Variants in RBFOX1 observed in about 807,000 individuals in gnomAD.
The protein encoded by RBFOX1 is RNA binding protein fox-1 homolog 1.
In RBFOX1, 8 loss-of-function variants were observed where a neutral mutation model predicts 57.7. The observed-to-expected ratio is 0.14, with a 90% CI of 0.08 to 0.25. The LOEUF (loss-of-function observed/expected upper bound fraction) is 0.25, where lower values mean the gene tolerates loss of function less well. Among genes scored for constraint, RBFOX1 ranks in the 10% least tolerant of loss-of-function variants. The pLI is 1.00. For synonymous variants in RBFOX1, 326 were observed against 222.4 expected (o/e 1.47, Z -4.15); for missense variants, 611 against 548.5 (o/e 1.11, Z -1.14).
chr16:7,625,599 T>C (rs2059961324), intron 10 of RBFOX1, among the ~76,000 whole-genome samples: 1 of 152,180 alleles, frequency 6.6e-6, no homozygotes, highest in South Asian at 2.1e-4. Flanking sequence ...ATTTTAATCT[T>C]CGAGCTCTTG....
chr16:7,265,247 G>C (rs2095082833), intron 4 of RBFOX1, among the ~76,000 whole-genome samples: 1 of 151,966 alleles, frequency 6.6e-6, no homozygotes, highest in Non-Finnish European at 1.5e-5. Flanking sequence ...GATACTGGAA[G>C]TGAGATCAGG....
chr16:5,549,445 G>A (rs936931483), intron 2 of RBFOX1, among the ~76,000 whole-genome samples: 3 of 152,194 alleles, frequency 2.0e-5, no homozygotes, highest in African/African-American at 7.2e-5. Context: ...TATATTTATT[G>A]GCTTTGAATA....
At chr16:6,219,545 G>A (rs192801920) in intron 1 of RBFOX1, among the ~76,000 whole-genome samples, 150 of 152,140 alleles carry the variant, frequency 9.9e-4, no homozygotes, top group Non-Finnish European at 1.9e-3. Flanking sequence ...GAGTGAACTC[G>A]GGCAATTCAC....
At chr16:7,268,170 T>A (rs1164501967) in intron 4 of RBFOX1, among the ~76,000 whole-genome samples, 1 of 152,204 alleles carries the variant, frequency 6.6e-6, no homozygotes, top group African/African-American at 2.4e-5. Context: ...GAAAAGGTAC[T>A]GTAAAAATAC....
At chr16:7,114,554 G>A (rs1183627309) in intron 4 of RBFOX1, among the ~76,000 whole-genome samples, 1 of 152,180 alleles carries the variant, frequency 6.6e-6, no homozygotes, top group African/African-American at 2.4e-5. Flanking sequence ...TGAGCCTAAT[G>A]AGAAATTGAA....
chr16:6,397,006 T>A (rs1488094154), intron 2 of RBFOX1, among the ~76,000 whole-genome samples: 1 of 152,158 alleles, frequency 6.6e-6, no homozygotes, highest in East Asian at 1.9e-4. Context: ...TGTATATCAT[T>A]CAATTTGAAA....
chr16:6,616,578 A>G (rs1407806726), intron 2 of RBFOX1, among the ~76,000 whole-genome samples: 1 of 152,170 alleles, frequency 6.6e-6, no homozygotes, highest in Non-Finnish European at 1.5e-5. Flanking sequence ...CAGGAGGCTG[A>G]GGCAGGAGAA....
At chr16:7,580,753 CAAAGGACA>C (rs2093696877) in intron 6 of RBFOX1, among the ~76,000 whole-genome samples, 1 of 152,122 alleles carries the variant, frequency 6.6e-6, no homozygotes, top group African/African-American at 2.4e-5. Context: ...AGTGTTCCAC[CAAAGGACA>C]AAGCTGTGAC....
chr16:6,980,682 C>G (rs1389057017), intron 3 of RBFOX1, among the ~76,000 whole-genome samples: 1 of 152,122 alleles, frequency 6.6e-6, no homozygotes, highest in Non-Finnish European at 1.5e-5. Flanking sequence ...AAATTTCTGA[C>G]TCTCCCGGAG....
At chr16:5,434,659 A>G (rs898328204) in intron 1 of RBFOX1, among the ~76,000 whole-genome samples, 6 of 152,120 alleles carry the variant, frequency 3.9e-5, no homozygotes, top group Non-Finnish European at 7.4e-5. Context: ...TTGTGTGCTA[A>G]TAACCTTATT....
At chr16:5,940,481 A>T (rs2059257253) in intron 4 of RBFOX1, among the ~76,000 whole-genome samples, 1 of 152,194 alleles carries the variant, frequency 6.6e-6, no homozygotes, top group Admixed American at 6.5e-5. Context: ...ACCATGGGGG[A>T]ATGTCAGACT....
At chr16:6,483,990 G>C (rs2095419959) in intron 2 of RBFOX1, 1 of 1,009,800 alleles carries the variant, frequency 9.9e-7, no homozygotes, top group African/African-American at 1.7e-5. Flanking sequence ...CCGTGGTGGG[G>C]GTGGTCTGGA....
intron 4 of RBFOX1, among the ~76,000 whole-genome samples, chr16:7,249,246 T>A (rs2094424199): frequency 6.6e-6 from 1 of 152,212 alleles, no homozygotes; most frequent in Non-Finnish European, 1.5e-5. Flanking sequence ...TCCCCTCTTT[T>A]TTCCCTTCTC....
chr16:6,976,257 T>G (rs1260376685), intron 3 of RBFOX1, among the ~76,000 whole-genome samples: 6 of 152,164 alleles, frequency 3.9e-5, no homozygotes, highest in Non-Finnish European at 8.8e-5. Context: ...ACGGGGCAGT[T>G]AAGAAACTCA....
intron 5 of RBFOX1, among the ~76,000 whole-genome samples, chr16:7,540,271 T>C (rs1601332807): frequency 1.3e-5 from 2 of 152,166 alleles, no homozygotes; most frequent in East Asian, 3.9e-4. Context: ...AACTCCTTGG[T>C]CTCTGACTGT....
intron 3 of RBFOX1, among the ~76,000 whole-genome samples, chr16:5,793,804 C>G (rs922002086): frequency 3.3e-5 from 5 of 152,106 alleles, no homozygotes; most frequent in Non-Finnish European, 5.9e-5. Context: ...TGTGAGTGTG[C>G]ATTGCATGCG....
intron 4 of RBFOX1, among the ~76,000 whole-genome samples, chr16:5,893,667 G>A (rs550742785): frequency 1.8e-4 from 28 of 152,182 alleles, no homozygotes; most frequent in African/African-American, 5.5e-4. Flanking sequence ...TTAGCTGGGC[G>A]TGGTGGTGGT....
At chr16:5,566,216 A>T (rs1040429079) in intron 2 of RBFOX1, among the ~76,000 whole-genome samples, 6 of 152,060 alleles carry the variant, frequency 3.9e-5, no homozygotes, top group African/African-American at 7.3e-5. Context: ...ATCCGACCAC[A>T]CTTGGTCTCC....
At chr16:7,356,433 C>G (rs181492861) in intron 4 of RBFOX1, among the ~76,000 whole-genome samples, 3 of 152,274 alleles carry the variant, frequency 2.0e-5, no homozygotes, top group East Asian at 1.9e-4. Flanking sequence ...GAGCATCCCA[C>G]TGAGAAGAAA....
Sources: gnomAD v4.1 joint callset for allele counts (sites outside exome capture counted in the v4.1 genomes callset) on GRCh38, gnomAD v4.1.1 for gene constraint, MANE v1.5 for transcripts, NCBI Gene and HGNC (gene_info 2026-07-23, HGNC 2026-07-21) for gene names.